PRKG1: variants seen among roughly 807,000 people sequenced by gnomAD.
PRKG1 encodes cGMP-dependent protein kinase 1.
In PRKG1, 35 loss-of-function variants were observed where a neutral mutation model predicts 88.1. The observed-to-expected ratio is 0.40, with a 90% CI of 0.30 to 0.53. The LOEUF is 0.53. PRKG1 is among the 20% of genes least tolerant of loss of function. The probability of loss-of-function intolerance (pLI) is 0.59; values close to 1 mark genes in which losing one functional copy is unlikely to be tolerated. For missense variants in PRKG1, 540 were observed against 839.8 expected, an observed-to-expected ratio of 0.64 and a Z score of 4.41; for synonymous variants, 303 against 292.5, an observed-to-expected ratio of 1.04 and a Z score of -0.37.
At chr10:51,212,352 C>T (rs1589248482) in intron 2 of PRKG1, among the ~76,000 whole-genome samples, 1 of 152,282 alleles carries the variant, frequency 6.6e-6, no homozygotes, top group South Asian at 2.1e-4. Flanking sequence ...AGACCTAAAA[C>T]CATAAAAACC....
At chr10:51,942,633 G>T (rs1353823714) in intron 5 of PRKG1, among the ~76,000 whole-genome samples, 5 of 146,682 alleles carry the variant, frequency 3.4e-5, no homozygotes, top group African/African-American at 5.2e-5. Flanking sequence ...TTTTGTATAA[G>T]GTGTAAGGAA....
intron 5 of PRKG1, among the ~76,000 whole-genome samples, chr10:51,968,804 CAG>C (rs1365680654): frequency 8.3e-6 from 1 of 120,740 alleles, no homozygotes; most frequent in Non-Finnish European, 1.7e-5. Context: ...GCCTGAGCGA[CAG>C]AGCAAAACTC....
intron 5 of PRKG1, among the ~76,000 whole-genome samples, chr10:52,007,382 C>T (rs1844764732): frequency 7.3e-6 from 1 of 137,278 alleles, no homozygotes; most frequent in South Asian, 2.3e-4. Context: ...TCAAGAGACC[C>T]ACCTCATATA....
At chr10:51,186,968 A>ATATATATATATATG (rs1564631522) in intron 2 of PRKG1, among the ~76,000 whole-genome samples, 2 of 145,632 alleles carry the variant, frequency 1.4e-5, no homozygotes, top group African/African-American at 2.5e-5. Flanking sequence ...ATATATATAT[A>ATATATATATATATG]TATATATATA....
intron 3 of PRKG1, among the ~76,000 whole-genome samples, chr10:51,769,922 G>C (rs1409944144): frequency 6.6e-6 from 1 of 152,228 alleles, no homozygotes; most frequent in Non-Finnish European, 1.5e-5. Flanking sequence ...AATTTATGTG[G>C]AGCCACATTT....
chr10:51,677,442 C>G (rs1840739034), intron 3 of PRKG1, among the ~76,000 whole-genome samples: 1 of 152,132 alleles, frequency 6.6e-6, no homozygotes, highest in Non-Finnish European at 1.5e-5. Context: ...CCCTATTTTA[C>G]AAATGCAAAG....
chr10:52,236,089 G>T (rs1840677746), intron 9 of PRKG1, among the ~76,000 whole-genome samples: 1 of 106,730 alleles, frequency 9.4e-6, no homozygotes, highest in Non-Finnish European at 1.9e-5. Context: ...CGAAATGAAG[G>T]CAGAAATAAA....
At chr10:51,885,473 G>C (rs1274383024) in intron 4 of PRKG1, among the ~76,000 whole-genome samples, 1 of 152,224 alleles carries the variant, frequency 6.6e-6, no homozygotes, top group Non-Finnish European at 1.5e-5. Flanking sequence ...TTGCAAGCCT[G>C]TTACATAGAC....
At chr10:51,166,933 A>G (rs1476758418) in intron 2 of PRKG1, among the ~76,000 whole-genome samples, 1 of 152,186 alleles carries the variant, frequency 6.6e-6, no homozygotes, top group Non-Finnish European at 1.5e-5. Context: ...TTTGCAATAT[A>G]TAGTCTTTAT....
intron 2 of PRKG1, among the ~76,000 whole-genome samples, chr10:51,379,975 G>A (rs2132626177): frequency 6.6e-6 from 1 of 152,220 alleles, no homozygotes; most frequent in African/African-American, 2.4e-5. Flanking sequence ...TAATATTCTT[G>A]GTTGATATGC....
intron 2 of PRKG1, among the ~76,000 whole-genome samples, chr10:51,438,968 C>CT (rs1839014360): frequency 6.7e-6 from 1 of 150,056 alleles, no homozygotes; most frequent in African/African-American, 2.4e-5. Flanking sequence ...ATCAAAAGAG[C>CT]TAAAAACCAC....
chr10:51,852,228 T>TATATATATATATATATATATATAC (rs967267602), intron 4 of PRKG1, among the ~76,000 whole-genome samples: 6 of 148,562 alleles, frequency 4.0e-5, no homozygotes, highest in African/African-American at 1.5e-4. Flanking sequence ...TATATATATA[T>TATATATATATATATATATATATAC]ACACACACAC....
intron 3 of PRKG1, among the ~76,000 whole-genome samples, chr10:51,797,264 G>C (rs1839036985): frequency 6.7e-6 from 1 of 149,332 alleles, no homozygotes; most frequent in Non-Finnish European, 1.5e-5. Flanking sequence ...ATCTAGCCAA[G>C]TAAATACATC....
At chr10:51,418,200 A>T (rs1378081038) in intron 2 of PRKG1, among the ~76,000 whole-genome samples, 2 of 152,162 alleles carry the variant, frequency 1.3e-5, no homozygotes, top group Non-Finnish European at 2.9e-5. Context: ...AGAATTTCAG[A>T]GCTCCTCCAG....
intron 14 of PRKG1, among the ~76,000 whole-genome samples, chr10:52,282,798 CTT>C (rs1251047416): frequency 2.0e-5 from 3 of 151,946 alleles, no homozygotes; most frequent in Non-Finnish European, 4.4e-5. Context: ...ATAAAACAAA[CTT>C]TAAGATCCTC....
At chr10:51,525,822 C>T (rs1399471293) in intron 3 of PRKG1, among the ~76,000 whole-genome samples, 1 of 151,374 alleles carries the variant, frequency 6.6e-6, no homozygotes, top group African/African-American at 2.4e-5. Context: ...AGCCATCACT[C>T]TTAGCACTTT....
At chr10:51,811,741 GA>G (rs1839461835) in intron 4 of PRKG1, among the ~76,000 whole-genome samples, 1 of 152,078 alleles carries the variant, frequency 6.6e-6, no homozygotes, top group Non-Finnish European at 1.5e-5. Context: ...TTTCCTATAG[GA>G]TATTCTGTGA....
intron 3 of PRKG1, among the ~76,000 whole-genome samples, chr10:51,491,806 T>G (rs1023958659): frequency 1.3e-5 from 2 of 152,138 alleles, no homozygotes; most frequent in African/African-American, 4.8e-5. Flanking sequence ...TCACATAGAA[T>G]GGACAGTGGC....
intron 5 of PRKG1, among the ~76,000 whole-genome samples, chr10:52,031,398 C>T (rs949584584): frequency 9.9e-5 from 15 of 152,212 alleles, no homozygotes; most frequent in African/African-American, 3.1e-4. Flanking sequence ...TAGTTCTGAT[C>T]CCTCATCTGA....
Sources: gnomAD v4.1 joint callset for allele counts (sites outside exome capture counted in the v4.1 genomes callset) on GRCh38, gnomAD v4.1.1 for gene constraint, MANE v1.5 for transcripts, NCBI Gene and HGNC (gene_info 2026-07-23, HGNC 2026-07-21) for gene names.